XRCC5: variants seen among roughly 807,000 people sequenced by gnomAD.
The protein encoded by XRCC5 is DNA repair protein Ku80.
A neutral mutation model predicts 95.7 loss-of-function variants in XRCC5; 12 were observed. That is an observed-to-expected ratio of 0.13 (90% CI 0.08 to 0.20). XRCC5 has a LOEUF of 0.20. XRCC5 is among the 10% of genes least tolerant of loss of function. The pLI, the probability that XRCC5 is intolerant of heterozygous loss-of-function variation, is 1.00. For synonymous variants in XRCC5, 281 were observed against 290.3 expected, an observed-to-expected ratio of 0.97 and a Z score of 0.33; for missense variants, 595 against 873.9, an observed-to-expected ratio of 0.68 and a Z score of 4.02.
intron 16 of XRCC5, among the ~76,000 whole-genome samples, chr2:216,182,847 A>T (rs576386246): frequency 6.6e-5 from 10 of 152,022 alleles, no homozygotes; most frequent in Admixed American, 2.0e-4. Context: ...GCTTTATGGG[A>T]TATGTTTAGT....
At chr2:216,180,591 C>T (rs1014618198) in intron 16 of XRCC5, among the ~76,000 whole-genome samples, 4 of 152,052 alleles carry the variant, frequency 2.6e-5, no homozygotes, top group African/African-American at 9.7e-5. Context: ...CATGCCAGTG[C>T]ACTCCAGCCT....
chr2:216,187,856 C>G (rs1018401316), intron 16 of XRCC5, among the ~76,000 whole-genome samples: 1 of 135,852 alleles, frequency 7.4e-6, no homozygotes, highest in African/African-American at 3.1e-5. Flanking sequence ...CTCTCTCTCT[C>G]TCTCTCCCCG....
At chr2:216,205,058 G>A (rs939797429) in intron 20 of XRCC5, 130 bp from the exon 21 acceptor site, 162 of 1,034,340 alleles carry the variant, frequency 1.6e-4, no homozygotes, top group South Asian at 7.6e-4. Context: ...AATAATGAGC[G>A]GTGAATAAAT....
chr2:216,140,846 T>C (rs1471612273), intron 12 of XRCC5, among the ~76,000 whole-genome samples: 1 of 152,222 alleles, frequency 6.6e-6, no homozygotes, highest in Non-Finnish European at 1.5e-5. Context: ...ATTAGCTCAA[T>C]GGATACTAAA....
chr2:216,116,182 A>C (rs1696692150), intron 2 of XRCC5, among the ~76,000 whole-genome samples: 1 of 152,158 alleles, frequency 6.6e-6, no homozygotes, highest in South Asian at 2.1e-4. Flanking sequence ...AACAGTGCTG[A>C]AGTGTAAACT....
chr2:216,148,115 G>T lies in XRCC5; in HGVS notation c.1509G>T (p.Glu503Asp). ...CLLHRALHPR[E>D]PLPPIQQHIW... is the part of the protein sequence containing the mutation. ...TGCACAGAGCTTTACATCCCCGGGAGCCTCTACCCCCAATTCAGCAGCATA... is the reference window on the plus strand; with the variant it reads ...TGCACAGAGCTTTACATCCCCGGGATCCTCTACCCCCAATTCAGCAGCATA... The change falls in exon 14 of 21, where the codon GAG (glutamate) becomes GAT (aspartate). Residue 503 changes from glutamate to aspartate, a missense_variant. Transcript: ENST00000392132. 3 of 1,613,748 alleles carry T rather than the reference G, an allele frequency of 1.9e-6. No individual in the cohort carries two copies. The South Asian group carries it at 3.3e-5, about 18-fold the overall frequency.
chr2:216,204,294 G>T, intron 19 of XRCC5, 28 bp from the exon 20 acceptor site: 1 of 1,611,794 alleles, frequency 6.2e-7, no homozygotes, highest in South Asian at 1.1e-5. Flanking sequence ...ATATCATTTT[G>T]GTATGATAAC....
intron 14 of XRCC5, among the ~76,000 whole-genome samples, chr2:216,151,731 T>G (rs551212050): frequency 6.6e-6 from 1 of 152,200 alleles, no homozygotes; most frequent in Non-Finnish European, 1.5e-5. Flanking sequence ...ACACAGTGTT[T>G]GGAGTAAATG....
intron 19 of XRCC5, among the ~76,000 whole-genome samples, chr2:216,196,318 C>T (rs973762176): frequency 2.6e-5 from 4 of 151,928 alleles, no homozygotes; most frequent in African/African-American, 9.7e-5. Flanking sequence ...AGAAGGGGTT[C>T]CGTGGTGTCT....
At chr2:216,121,971 G>T in intron 5 of XRCC5, 91 bp from the exon 6 acceptor site, 30 of 1,150,838 alleles carry the variant, frequency 2.6e-5, no homozygotes, top group Middle Eastern at 2.3e-4. Context: ...TTTGAAACTT[G>T]AAAAGGTTGA....
At position 216,176,003 on chromosome 2, in the gene XRCC5, G is replaced by A. The variant is rs570388384; in HGVS notation, c.1834+13955G>A. ...AATGACAACGGCCAGAGTCAGCCTA[G>A]GGGCAACCGGGTAGTGGTTTTACCT... On this transcript the variant is annotated intron_variant, in intron 16 of 20. Transcript: ENST00000392132. 8.7e-4 allele frequency: 199 copies of A among 229,044 alleles called. 1 individual carries two copies. Among genetic ancestry groups the A allele is most frequent in the Middle Eastern group, 6.9e-3 (5 of 724 alleles). 14.2% of individuals were successfully genotyped at this position (229,044 alleles called of 1,614,324 possible). A position where few individuals can be genotyped will look rare whatever the true frequency, so the allele number is the denominator to read the frequency against.
intron 16 of XRCC5, among the ~76,000 whole-genome samples, chr2:216,183,355 G>A (rs1390845012): frequency 6.6e-6 from 1 of 152,080 alleles, no homozygotes; most frequent in African/African-American, 2.4e-5. Context: ...AAAAAGGGGG[G>A]AAACACCCAG....
At chr2:216,160,805 G>C (rs1688938334) in intron 15 of XRCC5, among the ~76,000 whole-genome samples, 1 of 152,058 alleles carries the variant, frequency 6.6e-6, no homozygotes, top group South Asian at 2.1e-4. Context: ...CTGCAGCCTT[G>C]AAATCCTGAG....
rs41302518 is a variant in XRCC5 at position 216,190,929 on chromosome 2, A to AT, written c.1944+601dup. ...TGAGCAAGTTTAAATTAGAAAGCAT[A>AT]TTTTTTAAGTGGGCACAGTTGTAGT... is the stretch of plus-strand genomic sequence containing the variant. On this transcript the variant is annotated intron_variant, in intron 17 of 20. Coordinates refer to ENST00000392132, the MANE Select transcript of XRCC5 (RefSeq NM_021141.4). Among the ~76,000 whole-genome samples the AT allele has an allele frequency of 3.6e-3, 554 of 152,298 alleles. 1 individual carries two copies. Among genetic ancestry groups the AT allele is most frequent in the Non-Finnish European group, 5.8e-3 (392 of 68,020 alleles).
At chr2:216,177,887 T>C (rs1331727638) in intron 16 of XRCC5, among the ~76,000 whole-genome samples, 1 of 152,204 alleles carries the variant, frequency 6.6e-6, no homozygotes, top group East Asian at 1.9e-4. Context: ...CAGCAAGACT[T>C]ATACATTGGA....
At chr2:216,124,308 G>A (rs1475724178) in intron 6 of XRCC5, among the ~76,000 whole-genome samples, 1 of 152,048 alleles carries the variant, frequency 6.6e-6, no homozygotes, top group Non-Finnish European at 1.5e-5. Flanking sequence ...ATGCAGTGAC[G>A]TGATCTCAGC....
intron 16 of XRCC5, chr2:216,174,929 C>T (rs777879163): frequency 8.2e-5 from 29 of 353,058 alleles, no homozygotes; most frequent in Middle Eastern, 4.1e-4. Context: ...TCACGTCTAC[C>T]GCCAGATCCG....
At chr2:216,154,493 T>G (rs993354559) in intron 14 of XRCC5, among the ~76,000 whole-genome samples, 1 of 152,264 alleles carries the variant, frequency 6.6e-6, no homozygotes, top group African/African-American at 2.4e-5. Flanking sequence ...CCTTCTCATT[T>G]TAGCCTGCCT....
chr2:216,170,668 A>G (rs1487706832), intron 16 of XRCC5, among the ~76,000 whole-genome samples: 2 of 152,208 alleles, frequency 1.3e-5, no homozygotes, highest in South Asian at 2.1e-4. Context: ...TTCAGCTTGC[A>G]TCAATGACTT....
Sources: gnomAD v4.1 joint callset for allele counts (sites outside exome capture counted in the v4.1 genomes callset) on GRCh38, gnomAD v4.1.1 for gene constraint, MANE v1.5 for transcripts, NCBI Gene and HGNC (gene_info 2026-07-23, HGNC 2026-07-21) for gene names.